Variants in PCDHA5 observed in about 807,000 individuals in gnomAD.
The protein encoded by PCDHA5 is protocadherin alpha 5, also known as protocadherin alpha-5.
In PCDHA5, 43 loss-of-function variants were observed where a neutral mutation model predicts 61.6. The ratio of observed to expected loss-of-function variants is 0.70; its 90% CI spans 0.55 to 0.90. The LOEUF is 0.90. Ranked by LOEUF, PCDHA5 falls within the 40% of genes least tolerant of loss-of-function variation. PCDHA5 has a pLI of 0.00. For synonymous variants in PCDHA5, 627 were observed against 543.9 expected, an observed-to-expected ratio of 1.15 and a Z score of -2.13; for missense variants, 1,298 against 1,222.7, an observed-to-expected ratio of 1.06 and a Z score of -0.92.
chr5:140,831,196 T>TG (rs2150105872), intron 1 of PCDHA5: 1 of 152,356 alleles, frequency 6.6e-6, no homozygotes, highest in South Asian at 2.1e-4. Flanking sequence ...TTAGACCTTG[T>TG]GATCAAGTAA....
chr5:140,836,927 T>A, intron 1 of PCDHA5: 1 of 510,864 alleles, frequency 2.0e-6, no homozygotes, highest in Non-Finnish European at 3.3e-6. Context: ...TTGGGATGCG[T>A]AATACTATAG....
intron 1 of PCDHA5, among the ~76,000 whole-genome samples, chr5:140,909,044 T>C (rs538559353): frequency 6.6e-6 from 1 of 152,336 alleles, no homozygotes; most frequent in South Asian, 2.1e-4. Context: ...TTCCATACTC[T>C]GGCATGCAAA....
At position 140,969,519 on chromosome 5, in the gene PCDHA5, G is replaced by A. The variant is rs1586385280; in HGVS notation, c.2353-9430G>A. On this transcript the variant is annotated intron_variant, in intron 1 of 3. Transcript: ENST00000529859. ...TCTAGAAAAATAGCACTAAAGAATTGTTTTATTTTTCATTTTCAGAGGCAT... is the reference window on the plus strand; with the variant it reads ...TCTAGAAAAATAGCACTAAAGAATTATTTTATTTTTCATTTTCAGAGGCAT... The A allele has an allele frequency of 3.6e-6, 5 of 1,406,074 alleles. No individual in the cohort carries two copies. The East Asian group carries it at 1.3e-4, about 35-fold the overall frequency. 87.1% of individuals were successfully genotyped at this position (1,406,074 alleles called of 1,614,324 possible). A position where few individuals can be genotyped will look rare whatever the true frequency, so the allele number is the denominator to read the frequency against.
chr5:140,860,129 G>GTGTGTATATATATGTATATA (rs1554153065), intron 1 of PCDHA5: 1 of 150,592 alleles, frequency 6.6e-6, no homozygotes, highest in Non-Finnish European at 1.5e-5. Context: ...TACTGTGTGT[G>GTGTGTATATATATGTATATA]TGTGTATATA....
At chr5:140,865,982 C>T (rs2049081742) in intron 1 of PCDHA5, 1 of 152,078 alleles carries the variant, frequency 6.6e-6, no homozygotes, top group South Asian at 2.1e-4. Flanking sequence ...ATTGAGATGG[C>T]ACTAAGTTTT....
intron 1 of PCDHA5, among the ~76,000 whole-genome samples, chr5:140,879,020 TATTG>T (rs1366518511): frequency 6.6e-6 from 1 of 152,230 alleles, no homozygotes; most frequent in African/African-American, 2.4e-5. Context: ...GATAATGTTT[TATTG>T]AAGAGTGTCT....
intron 1 of PCDHA5, 78 bp from the exon 2 acceptor site, chr5:140,978,871 T>A (rs1328301924): frequency 6.2e-7 from 1 of 1,606,392 alleles, no homozygotes; most frequent in Non-Finnish European, 8.5e-7. Context: ...TTTAAGGGAG[T>A]AACTAATCAA....
intron 1 of PCDHA5, chr5:140,876,109 A>T: frequency 6.2e-7 from 1 of 1,613,946 alleles, no homozygotes; most frequent in Non-Finnish European, 8.5e-7. Context: ...TTTATTGCTG[A>T]TGGTAATCGA....
At chr5:140,834,546 G>C in intron 1 of PCDHA5, 1 of 1,614,062 alleles carries the variant, frequency 6.2e-7, no homozygotes, top group South Asian at 1.1e-5. Flanking sequence ...CCTGGGGCTG[G>C]AGCTGGCGGA....
Position 140,843,486 on chromosome 5 carries a change from G to A in PCDHA5, c.2352+19359G>A. The A allele has an allele frequency of 2.5e-6, 4 of 1,595,976 alleles. 1 individual carries two copies. The highest frequency in any genetic ancestry group is 1.7e-5 in the Admixed American group (1 of 59,314). ...ACGCTGCTGCTGTACACTGCGCTGC[G>A]GTGCTCAGCACTGCCCACTGAGGGC... On this transcript the variant is annotated intron_variant, in intron 1 of 3. Transcript: ENST00000529859.
chr5:140,895,874 C>T (rs1051774060), intron 1 of PCDHA5, among the ~76,000 whole-genome samples: 5 of 152,120 alleles, frequency 3.3e-5, no homozygotes, highest in Admixed American at 2.6e-4. Context: ...TGCAATGGCG[C>T]GATCTCGGCT....
At chr5:140,840,692 G>A (rs181650579) in intron 1 of PCDHA5, among the ~76,000 whole-genome samples, 1 of 151,924 alleles carries the variant, frequency 6.6e-6, no homozygotes, top group African/African-American at 2.4e-5. Flanking sequence ...TAAATAAAAC[G>A]GTTCAGGCAA....
intron 1 of PCDHA5, among the ~76,000 whole-genome samples, chr5:140,973,273 C>T (rs1180418925): frequency 6.6e-6 from 1 of 152,150 alleles, no homozygotes; most frequent in Non-Finnish European, 1.5e-5. Context: ...ACTTTTATTT[C>T]CCCCAGCACT....
chr5:140,915,626 GTCTC>G (rs57920489), intron 1 of PCDHA5, among the ~76,000 whole-genome samples: 182 of 146,478 alleles, frequency 1.2e-3, no homozygotes, highest in East Asian at 9.3e-3. Flanking sequence ...GTCTCTTTCT[GTCTC>G]TCTCTCTCTC....
intron 1 of PCDHA5, chr5:140,884,511 G>A (rs1202323930): frequency 6.2e-7 from 1 of 1,614,192 alleles, no homozygotes; most frequent in Non-Finnish European, 8.5e-7. Flanking sequence ...GCAGGGAGTT[G>A]GTCGTACTCG....
rs1246867400 is a variant in PCDHA5, at chr5:140,885,558, AATTG to A, written c.2352+61436_2352+61439del. Among the ~76,000 whole-genome samples, 8 of 152,258 alleles carry A rather than the reference AATTG, an allele frequency of 5.3e-5. No individual in the cohort carries two copies. The South Asian group carries it at 1.0e-3, about 20-fold the overall frequency. On this transcript the variant is annotated intron_variant, in intron 1 of 3. Coordinates refer to ENST00000529859, the MANE Select transcript of PCDHA5 (RefSeq NM_018908.3). Reference sequence around the variant, plus strand: ...CAAAATATTGGTGTTATTTCTACGAAATTGATTGTCAGATGTGGAATTGATGCAT... The same window carrying A: ...CAAAATATTGGTGTTATTTCTACGAAATTGTCAGATGTGGAATTGATGCAT...
chr5:140,968,709 T>C lies in PCDHA5; in HGVS notation c.2353-10240T>C, dbSNP rs2153773320. ...GGAGAAATTAGGACTACCAGGAAGA[T>C]GGGAGATGAGAGTGGTAGCACTTTC... On this transcript the variant is annotated intron_variant, in intron 1 of 3. Coordinates refer to ENST00000529859, the MANE Select transcript of PCDHA5 (RefSeq NM_018908.3). The C allele has an allele frequency of 1.9e-6, 3 of 1,614,030 alleles. No homozygotes were observed. In the East Asian group the frequency reaches 6.7e-5, roughly 36 times the overall value.
At chr5:140,863,062 G>A (rs62384481) in intron 1 of PCDHA5, 2 of 565,590 alleles carry the variant, frequency 3.5e-6, no homozygotes, top group South Asian at 1.4e-5. Context: ...CCCGTTCCAC[G>A]TGGGGCTCTG....
At chr5:140,842,970 C>T in intron 1 of PCDHA5, 1 of 1,594,990 alleles carries the variant, frequency 6.3e-7, no homozygotes, top group Non-Finnish European at 8.6e-7. Flanking sequence ...AGCAACGTGA[C>T]GCTGCAGGTG....
Sources: allele counts gnomAD v4.1 joint callset (sites outside exome capture counted in the v4.1 genomes callset), GRCh38; gene constraint gnomAD v4.1.1; transcripts MANE v1.5; gene names NCBI Gene and HGNC (gene_info 2026-07-23, HGNC 2026-07-21).